Variants in RERE observed in about 807,000 individuals in gnomAD.
RERE encodes the protein arginine-glutamic acid dipeptide repeats protein.
RERE carries 40 observed loss-of-function variants against 146.1 expected under a neutral mutation model. That is an observed-to-expected ratio of 0.27 (90% CI 0.21 to 0.36). RERE has a LOEUF of 0.36. Ranked by LOEUF, RERE falls within the 10% of genes least tolerant of loss-of-function variation. The pLI is 1.00. For synonymous variants in RERE, 1,003 were observed against 866.0 expected (o/e 1.16, Z -2.78); for missense variants, 1,933 against 2,138.7 (o/e 0.90, Z 1.90).
Position 8,582,968 on chromosome 1 carries a change from A to T in RERE, c.523-25445T>A, listed in dbSNP as rs764716058. Among the ~76,000 whole-genome samples, 4 of 152,314 alleles carry T rather than the reference A, an allele frequency of 2.6e-5. No homozygotes were observed. The South Asian group carries it at 8.3e-4, about 32-fold the overall frequency. On this transcript the variant is annotated intron_variant, in intron 4 of 22. Transcript: ENST00000400908. ...GTACCTCTGACACAGACTAGATCAT[A>T]TCAATGGGGGTTGGGGACAAAAGCC...
At chr1:8,633,654 C>T (rs1343889524) in intron 2 of RERE, among the ~76,000 whole-genome samples, 4 of 152,082 alleles carry the variant, frequency 2.6e-5, no homozygotes, top group Non-Finnish European at 1.5e-5. Context: ...TGGCTGCGCA[C>T]GGTGGCTCAG....
At chr1:8,393,679 G>T (rs752319044) in intron 12 of RERE, among the ~76,000 whole-genome samples, 2 of 152,026 alleles carry the variant, frequency 1.3e-5, no homozygotes, top group Non-Finnish European at 2.9e-5. Flanking sequence ...AAAAGCATAG[G>T]TAAGATAAAA....
chr1:8,750,831 T>C lies in RERE; in HGVS notation c.-145+66329A>G, dbSNP rs185305797. On this transcript the variant is annotated intron_variant, in intron 1 of 22. Coordinates refer to ENST00000400908, the MANE Select transcript of RERE (RefSeq NM_001042681.2). Reference sequence around the variant, plus strand: ...AAGGCTTCAATTAACATGCTGAGGATTGTAGAGCCATATATTACATGGGGG... The same window carrying C: ...AAGGCTTCAATTAACATGCTGAGGACTGTAGAGCCATATATTACATGGGGG... 9.9e-4 allele frequency: 815 copies of C among 823,146 alleles called. 2 individuals are homozygous for C. The highest frequency in any genetic ancestry group is 2.3e-3 in the South Asian group (177 of 75,534). 51.0% of individuals were successfully genotyped at this position (823,146 alleles called of 1,614,324 possible). A position where few individuals can be genotyped will look rare whatever the true frequency, so the allele number is the denominator to read the frequency against.
intron 7 of RERE, among the ~76,000 whole-genome samples, chr1:8,531,049 CTATCTATCTATCT>C (rs1282984108): frequency 2.0e-5 from 3 of 150,638 alleles, no homozygotes; most frequent in Non-Finnish European, 4.4e-5. Context: ...ATCTATCTAT[CTATCTATCTATCT>C]ATCTATCTAA....
At chr1:8,647,735 T>C (rs1167993004) in intron 2 of RERE, among the ~76,000 whole-genome samples, 19 of 151,148 alleles carry the variant, frequency 1.3e-4, no homozygotes, top group Non-Finnish European at 2.8e-4. Flanking sequence ...AAGGAAATGT[T>C]TGTCTGAGTA....
At chr1:8,752,342 G>A (rs1413496092) in intron 1 of RERE, among the ~76,000 whole-genome samples, 1 of 151,594 alleles carries the variant, frequency 6.6e-6, no homozygotes, top group African/African-American at 2.4e-5. Context: ...CATAGCTCAG[G>A]AACATTTTCA....
chr1:8,633,960 C>G (rs992601677), intron 2 of RERE, among the ~76,000 whole-genome samples: 2 of 152,110 alleles, frequency 1.3e-5, no homozygotes, highest in Admixed American at 1.3e-4. Context: ...ATGAACTTAT[C>G]AAATCAACAC....
chr1:8,435,880 C>T (rs758041828), intron 11 of RERE, among the ~76,000 whole-genome samples: 1 of 152,240 alleles, frequency 6.6e-6, no homozygotes, highest in Non-Finnish European at 1.5e-5. Flanking sequence ...AGTACTGCCA[C>T]TGGGTGAATA....
intron 12 of RERE, among the ~76,000 whole-genome samples, chr1:8,417,719 A>G (rs933058834): frequency 1.3e-5 from 2 of 151,986 alleles, no homozygotes; most frequent in African/African-American, 4.8e-5. Flanking sequence ...CCATCCCCAC[A>G]CTCACCCATA....
chr1:8,358,115 C>G lies in RERE; in HGVS notation c.4339+81G>C, dbSNP rs750555724. On this transcript the variant is annotated intron_variant, in intron 20 of 22. Transcript: ENST00000400908. Reference sequence around the variant, plus strand: ...TCTGTTCAGAAAAGAACAGTTTCCGCTCCTGGATGGTGACTGTCACTCATC... The same window carrying G: ...TCTGTTCAGAAAAGAACAGTTTCCGGTCCTGGATGGTGACTGTCACTCATC... 5 of 1,518,566 alleles carry G rather than the reference C, an allele frequency of 3.3e-6. No homozygotes were observed. In the East Asian group the frequency reaches 1.1e-4, roughly 35 times the overall value. 94.1% of individuals were successfully genotyped at this position (1,518,566 alleles called of 1,614,324 possible). A position where few individuals can be genotyped will look rare whatever the true frequency, so the allele number is the denominator to read the frequency against.
In RERE at chr1:8,358,245, A is replaced by C; in HGVS notation, c.4290T>G (p.Ser1430=). The part of the protein sequence containing the change: ...FNVTPHHHQH[S]HIHSHLHLHQ... The stretch of plus-strand genomic sequence containing the variant: ...GGAGGTGGAGGTGGGAGTGAATGTG[A>C]GAGTGCTGGTGATGGTGCGGAGTCA... The change falls in exon 20 of 23, where the codon TCT becomes TCG. Residue 1430 remains serine, a synonymous_variant. Coordinates refer to ENST00000400908, the MANE Select transcript of RERE (RefSeq NM_001042681.2). The C allele has an allele frequency of 6.2e-7, 1 of 1,609,006 alleles. No homozygotes were observed. Among genetic ancestry groups the C allele is most frequent in the Non-Finnish European group, 8.5e-7 (1 of 1,175,916 alleles).
chr1:8,489,460 A>T (rs1335540449), intron 10 of RERE, among the ~76,000 whole-genome samples: 1 of 152,130 alleles, frequency 6.6e-6, no homozygotes, highest in Non-Finnish European at 1.5e-5. Flanking sequence ...TTCTACCTGA[A>T]ATATTAACAA....
intron 1 of RERE, among the ~76,000 whole-genome samples, chr1:8,708,426 A>AGG (rs1639599178): frequency 1.3e-5 from 2 of 152,122 alleles, no homozygotes; most frequent in African/African-American, 4.8e-5. Context: ...TCCCAGGTTC[A>AGG]AGCAATGCTC....
intron 12 of RERE, 25 bp from the exon 13 acceptor site, chr1:8,365,999 G>C (rs1231512079): frequency 1.2e-6 from 2 of 1,609,824 alleles, no homozygotes; most frequent in African/African-American, 1.3e-5. Context: ...GGCTGACTGT[G>C]GGGGAGGGCC....
intron 1 of RERE, among the ~76,000 whole-genome samples, chr1:8,751,774 CT>C (rs1240087754): frequency 3.2e-5 from 4 of 123,696 alleles, no homozygotes; most frequent in South Asian, 2.3e-4. Flanking sequence ...ATCCCTTTCA[CT>C]TTAAAAAAAA....
At chr1:8,632,838 A>G (rs1647050414) in intron 2 of RERE, among the ~76,000 whole-genome samples, 1 of 152,232 alleles carries the variant, frequency 6.6e-6, no homozygotes, top group South Asian at 2.1e-4. Flanking sequence ...GTTAGGACTT[A>G]AATACAACCA....
At chr1:8,808,005 G>A (rs963504300) in intron 1 of RERE, among the ~76,000 whole-genome samples, 2 of 152,010 alleles carry the variant, frequency 1.3e-5, no homozygotes, top group South Asian at 2.1e-4. Flanking sequence ...GAGGCCAGGC[G>A]TGGTGGGTCA....
intron 1 of RERE, among the ~76,000 whole-genome samples, chr1:8,709,284 A>G (rs1639620233): frequency 6.7e-6 from 1 of 148,724 alleles, no homozygotes; most frequent in African/African-American, 2.5e-5. Flanking sequence ...AGATTTTTTA[A>G]TTTTTTTTTT....
intron 6 of RERE, among the ~76,000 whole-genome samples, chr1:8,542,533 C>A (rs1192734487): frequency 2.6e-5 from 4 of 152,142 alleles, no homozygotes; most frequent in Admixed American, 2.6e-4. Flanking sequence ...GTAACCAAAG[C>A]AGGGTCAGCC....
Sources: gnomAD v4.1 joint callset for allele counts (sites outside exome capture counted in the v4.1 genomes callset) on GRCh38, gnomAD v4.1.1 for gene constraint, MANE v1.5 for transcripts, NCBI Gene and HGNC (gene_info 2026-07-23, HGNC 2026-07-21) for gene names.